Variants in SIM2 observed in about 807,000 individuals in gnomAD.
SIM2 encodes the protein SIM bHLH transcription factor 2, also known as single-minded homolog 2.
In SIM2, 28 loss-of-function variants were observed where a neutral mutation model predicts 64.8. That is an observed-to-expected ratio of 0.43 (90% CI 0.32 to 0.59). SIM2 has a LOEUF of 0.59. Ranked by LOEUF, SIM2 falls within the 20% of genes least tolerant of loss-of-function variation. The pLI is 0.07. For synonymous variants in SIM2, 408 were observed against 391.1 expected (o/e 1.04, Z -0.51); for missense variants, 847 against 871.4 (o/e 0.97, Z 0.35).
rs2089284144 is a variant in SIM2, at chr21:36,749,042, G to C, written c.*950G>C. Reference sequence around the variant, plus strand: ...CTTGTGAAGGAAAAACATGCTTAAGGGGGTGTAATGAAAATGATGTAGACA... The same window carrying C: ...CTTGTGAAGGAAAAACATGCTTAAGCGGGTGTAATGAAAATGATGTAGACA... On this transcript the variant is annotated 3_prime_UTR_variant, in exon 11 of 11. Coordinates refer to ENST00000290399, the MANE Select transcript of SIM2 (RefSeq NM_005069.6). 6.6e-6 allele frequency: 1 copy of C among 152,604 alleles called. No homozygotes were observed. The highest frequency in any genetic ancestry group is 2.4e-5 in the African/African-American group (1 of 41,446). 9.5% of individuals were successfully genotyped at this position (152,604 alleles called of 1,614,324 possible). A position where few individuals can be genotyped will look rare whatever the true frequency, so the allele number is the denominator to read the frequency against.
chr21:36,699,968 C>T lies in SIM2; in HGVS notation c.175+47C>T. On this transcript the variant is annotated intron_variant, in intron 1 of 10. Coordinates refer to ENST00000290399, the MANE Select transcript of SIM2 (RefSeq NM_005069.6). This position sits in a 1 kb window ranked among gnomAD's most constrained non-coding sequence, Gnocchi z 5.6. ...CGGGGACGCTGGGGAGCCCGGCGGC[C>T]CCGGCCCAGGCGGGAAGCGCAAGCC... The T allele has an allele frequency of 6.6e-7, 1 of 1,525,100 alleles. No homozygotes were observed. The highest frequency in any genetic ancestry group is 8.8e-7 in the Non-Finnish European group (1 of 1,140,930). The allele number at this position is 1,525,100 out of a possible 1,614,324, so 94.5% of individuals were successfully genotyped here.
intron 3 of SIM2, 121 bp from the exon 4 acceptor site, chr21:36,719,699 GT>G: frequency 3.0e-6 from 2 of 672,072 alleles, no homozygotes; most frequent in Non-Finnish European, 5.5e-6. Flanking sequence ...AAAGGTGTGG[GT>G]TGTCAGCAGA....
intron 1 of SIM2, among the ~76,000 whole-genome samples, chr21:36,708,791 CGA>C (rs1166320997): frequency 6.6e-6 from 1 of 152,194 alleles, no homozygotes; most frequent in African/African-American, 2.4e-5. Flanking sequence ...CGGGTCAAAT[CGA>C]TATCCCCGTT....
At chr21:36,732,542 A>G (rs743427) in intron 7 of SIM2, among the ~76,000 whole-genome samples, 151,420 of 152,306 alleles carry the variant, frequency 0.99, 75,304 homozygotes, top group Middle Eastern at 1. Context: ...CCCTCCCCAA[A>G]TCTCTATGGA....
At chr21:36,719,370 C>T (rs779493760) in intron 3 of SIM2, among the ~76,000 whole-genome samples, 2 of 152,270 alleles carry the variant, frequency 1.3e-5, no homozygotes, top group African/African-American at 4.8e-5. Flanking sequence ...GTGGACAACA[C>T]TTCCACAGGG....
chr21:36,726,396 A>G lies in SIM2; in HGVS notation c.743+78A>G. ...TGGAAATGGGTCCCTGAAAGCTGCC[A>G]TCTTGGCCAAATCATAACAAGGAAT... On this transcript the variant is annotated intron_variant, in intron 6 of 10. Coordinates refer to ENST00000290399, the MANE Select transcript of SIM2 (RefSeq NM_005069.6). The surrounding 1 kb of genome is among the most constrained non-coding windows in gnomAD (Gnocchi z 4.5). 1 of 1,283,930 alleles carries G rather than the reference A, an allele frequency of 7.8e-7. No homozygotes were observed. The highest frequency in any genetic ancestry group is 2.0e-5 in the Admixed American group (1 of 49,806). 79.5% of individuals were successfully genotyped at this position (1,283,930 alleles called of 1,614,324 possible).
At chr21:36,736,418 G>A (rs776153204) in intron 7 of SIM2, among the ~76,000 whole-genome samples, 5 of 152,210 alleles carry the variant, frequency 3.3e-5, no homozygotes, top group Non-Finnish European at 5.9e-5. Flanking sequence ...CAGACAGCCC[G>A]ATGGTTTGCA....
intron 4 of SIM2, among the ~76,000 whole-genome samples, chr21:36,722,529 G>T (rs1195698527): frequency 6.6e-6 from 1 of 152,226 alleles, no homozygotes; most frequent in Non-Finnish European, 1.5e-5. Context: ...GGACACATTT[G>T]CATTGACAAT....
At position 36,709,200 on chromosome 21, in the gene SIM2, G is replaced by C. The variant is rs146997732; in HGVS notation, c.208G>C (p.Ala70Pro). Residue 70 changes from alanine to proline, a missense_variant, in exon 2 of 11, where the codon GCC becomes CCC. Ala to Pro is a conservative substitution (Grantham distance 27). Transcript: ENST00000290399. The part of the protein sequence containing the change: ...LGDAWGQPSR[A>P]GPLDGVAKEL... ...AGACGCGTGGGGACAGCCGAGCCGC[G>C]CCGGGCCCCTGGACGGCGTCGCCAA... 6 of 1,610,614 alleles carry C rather than the reference G, an allele frequency of 3.7e-6. No homozygotes were observed. The Admixed American group carries it at 1.0e-4, about 27-fold the overall frequency.
chr21:36,699,785 G>C lies in SIM2; in HGVS notation c.39G>C (p.Arg13Ser), dbSNP rs1300261163. ...EKSKNAAKTR[R>S]EKENGEFYEL... ...CCAAGAATGCGGCCAAGACCAGGAGGGAGAAGGAAAATGGCGAGTTTTACG... is the reference window on the plus strand; with the variant it reads ...CCAAGAATGCGGCCAAGACCAGGAGCGAGAAGGAAAATGGCGAGTTTTACG... The change falls in exon 1 of 11, where the codon AGG becomes AGC. Residue 13 changes from arginine (R) to serine (S), a missense_variant. By Grantham distance (110) the Arg-to-Ser change is moderately radical. Transcript: ENST00000290399. The surrounding 1 kb of genome is among the most constrained non-coding windows in gnomAD (Gnocchi z 5.6). 1.9e-6 allele frequency: 3 copies of C among 1,613,088 alleles called. No homozygotes were observed. Among genetic ancestry groups the C allele is most frequent in the Middle Eastern group, 1.6e-4 (1 of 6,062 alleles).
At chr21:36,714,288 T>C (rs191647721) in intron 3 of SIM2, among the ~76,000 whole-genome samples, 1 of 152,334 alleles carries the variant, frequency 6.6e-6, no homozygotes, top group Non-Finnish European at 1.5e-5. Context: ...ACAAAACATT[T>C]CACACACTTT....
chr21:36,712,871 T>C (rs1207725211), intron 3 of SIM2, among the ~76,000 whole-genome samples: 1 of 152,236 alleles, frequency 6.6e-6, no homozygotes, highest in East Asian at 1.9e-4. Context: ...CCGTCAGCCT[T>C]GTTCCGAGAT....
intron 5 of SIM2, among the ~76,000 whole-genome samples, chr21:36,725,169 G>A (rs2088873483): frequency 6.6e-6 from 1 of 152,040 alleles, no homozygotes; most frequent in African/African-American, 2.4e-5. Context: ...AACATAATGA[G>A]ACCTTGTCTC....
intron 2 of SIM2, 131 bp downstream of exon 2, chr21:36,709,381 G>A (rs1394908554): frequency 2.5e-6 from 2 of 787,588 alleles, no homozygotes; most frequent in East Asian, 5.3e-5. Context: ...CTGGGGATGG[G>A]GTGGTCCCCA....
chr21:36,732,000 A>G (rs1334642781), intron 7 of SIM2, among the ~76,000 whole-genome samples: 1 of 152,160 alleles, frequency 6.6e-6, no homozygotes. Context: ...CTCCTGCTTC[A>G]GCCTCCCAAG....
chr21:36,717,446 TTTTC>T (rs1386360080), intron 3 of SIM2, among the ~76,000 whole-genome samples: 1 of 136,916 alleles, frequency 7.3e-6, no homozygotes, highest in African/African-American at 2.7e-5. Flanking sequence ...TCTTTCTTTC[TTTTC>T]TTTTTTTTTT....
chr21:36,738,661 G>A (rs376166411), intron 7 of SIM2, among the ~76,000 whole-genome samples: 4 of 152,206 alleles, frequency 2.6e-5, no homozygotes, highest in African/African-American at 4.8e-5. Flanking sequence ...TGTTGGCCCC[G>A]GTTTCCTGGT....
intron 5 of SIM2, among the ~76,000 whole-genome samples, chr21:36,725,171 C>T (rs1206995457): frequency 6.6e-6 from 1 of 152,056 alleles, no homozygotes; most frequent in Non-Finnish European, 1.5e-5. Flanking sequence ...CATAATGAGA[C>T]CTTGTCTCTA....
At chr21:36,746,734 A>G (rs1271656127) in intron 10 of SIM2, among the ~76,000 whole-genome samples, 1 of 152,192 alleles carries the variant, frequency 6.6e-6, no homozygotes, top group African/African-American at 2.4e-5. Flanking sequence ...TCATATAACC[A>G]AGGAAGGGAT....
Sources: allele counts gnomAD v4.1 joint callset (sites outside exome capture counted in the v4.1 genomes callset), GRCh38; gene constraint gnomAD v4.1.1; non-coding constraint Gnocchi (gnomAD v3.1); transcripts MANE v1.5; gene names NCBI Gene and HGNC (gene_info 2026-07-23, HGNC 2026-07-21).